IL1RAPL1: variants seen among roughly 807,000 people sequenced by gnomAD.
The protein encoded by IL1RAPL1 is interleukin 1 receptor accessory protein like 1.
Under a neutral mutation model 48.4 loss-of-function variants are expected in IL1RAPL1, and 3 were observed. The observed-to-expected ratio is 0.06, with a 90% confidence interval of 0.03 to 0.16. The LOEUF is 0.16. Among genes scored for constraint, IL1RAPL1 ranks in the 10% least tolerant of loss-of-function variants. The pLI, the probability that IL1RAPL1 is intolerant of heterozygous loss-of-function variation, is 1.00. For synonymous variants in IL1RAPL1, 185 were observed against 187.7 expected (o/e 0.99, Z 0.12); for missense variants, 349 against 530.6 (o/e 0.66, Z 3.36).
intron 5 of IL1RAPL1, among the ~76,000 whole-genome samples, chrX:29,637,083 C>T (rs1291904832): frequency 9.3e-6 from 1 of 107,760 alleles, no homozygotes; most frequent in African/African-American, 3.4e-5. Context: ...TAGGAACAGT[C>T]TGTCAAAAGG....
At chrX:28,946,134 C>T (rs1405575585) in intron 2 of IL1RAPL1, among the ~76,000 whole-genome samples, 2 of 109,326 alleles carry the variant, frequency 1.8e-5, no homozygotes, top group Non-Finnish European at 3.8e-5. Context: ...ATGGTTACTA[C>T]AGAATACTAG....
intron 2 of IL1RAPL1, among the ~76,000 whole-genome samples, chrX:29,030,403 GTTC>G (rs747265828): frequency 1.2e-3 from 132 of 111,022 alleles, no homozygotes; most frequent in African/African-American, 4.1e-3. Context: ...TATTTATTTG[GTTC>G]TTCTTTTGTA....
intron 5 of IL1RAPL1, among the ~76,000 whole-genome samples, chrX:29,595,455 C>T (rs1426551585): frequency 1.8e-5 from 2 of 111,782 alleles, no homozygotes; most frequent in Non-Finnish European, 3.8e-5. Context: ...GATGGTATCA[C>T]ATTGTGGTTT....
At chrX:28,916,963 C>T (rs1338585803) in intron 2 of IL1RAPL1, among the ~76,000 whole-genome samples, 2 of 111,967 alleles carry the variant, frequency 1.8e-5, no homozygotes, top group Admixed American at 9.5e-5. Flanking sequence ...ATTCAGCAAC[C>T]ATGTTTTCAT....
chrX:29,886,350 G>C (rs763458771), intron 6 of IL1RAPL1, among the ~76,000 whole-genome samples: 2 of 112,068 alleles, frequency 1.8e-5, no homozygotes, highest in South Asian at 7.3e-4. Flanking sequence ...TTCATCTGTG[G>C]CTTATAGAAC....
chrX:29,907,599 G>A (rs1932662584), intron 6 of IL1RAPL1, among the ~76,000 whole-genome samples: 1 of 111,649 alleles, frequency 9.0e-6, no homozygotes, highest in Non-Finnish European at 1.9e-5. Context: ...TCAAAGAGTT[G>A]TACCACTGCC....
chrX:29,813,846 G>A (rs1930431933), intron 6 of IL1RAPL1, among the ~76,000 whole-genome samples: 1 of 111,477 alleles, frequency 9.0e-6, no homozygotes, highest in Non-Finnish European at 1.9e-5. Context: ...TGCAGTATTT[G>A]GTTTTCTGTT....
chrX:29,284,123 C>G (rs752815271), intron 3 of IL1RAPL1, among the ~76,000 whole-genome samples: 25 of 111,913 alleles, frequency 2.2e-4, no homozygotes, highest in Non-Finnish European at 4.1e-4. Context: ...AATGGATTCC[C>G]ATAACTCAGA....
At chrX:29,387,401 G>A (rs1338266860) in intron 3 of IL1RAPL1, among the ~76,000 whole-genome samples, 1 of 112,199 alleles carries the variant, frequency 8.9e-6, no homozygotes. Context: ...CTGATCATGA[G>A]TTTTGGTAAA....
At chrX:29,824,361 ACTAGAGT>A (rs1285204835) in intron 6 of IL1RAPL1, among the ~76,000 whole-genome samples, 3 of 111,966 alleles carry the variant, frequency 2.7e-5, no homozygotes, top group African/African-American at 9.7e-5. Flanking sequence ...GTGTTGCCTT[ACTAGAGT>A]CTGATCGGTA....
intron 2 of IL1RAPL1, among the ~76,000 whole-genome samples, chrX:29,011,967 TAA>T (rs1407462700): frequency 1.8e-5 from 2 of 112,221 alleles, no homozygotes; most frequent in Admixed American, 9.5e-5. Flanking sequence ...CTATAATCTA[TAA>T]AAGTTATTAT....
intron 5 of IL1RAPL1, among the ~76,000 whole-genome samples, chrX:29,614,963 CA>C (rs377465356): frequency 0.02 from 1,373 of 67,133 alleles, 18 homozygotes; most frequent in African/African-American, 0.052. Flanking sequence ...GACTCCGTCT[CA>C]AAAAAAAAAA....
chrX:29,661,413 G>T (rs1270042121), intron 5 of IL1RAPL1, among the ~76,000 whole-genome samples: 1 of 112,085 alleles, frequency 8.9e-6, no homozygotes, highest in Non-Finnish European at 1.9e-5. Context: ...TGAGTGGAAA[G>T]GCTTTCAGTG....
At chrX:29,605,788 A>G (rs1460175092) in intron 5 of IL1RAPL1, among the ~76,000 whole-genome samples, 5 of 112,266 alleles carry the variant, frequency 4.5e-5, no homozygotes, top group African/African-American at 9.7e-5. Flanking sequence ...TCTAAAATGT[A>G]TTAAATGTGT....
intron 5 of IL1RAPL1, among the ~76,000 whole-genome samples, chrX:29,624,342 A>G (rs977690158): frequency 6.2e-5 from 7 of 112,027 alleles, no homozygotes; most frequent in African/African-American, 2.3e-4. Flanking sequence ...ATGATACTCA[A>G]TTATGTATAA....
intron 5 of IL1RAPL1, among the ~76,000 whole-genome samples, chrX:29,415,039 G>C (rs1457194176): frequency 8.9e-6 from 1 of 111,801 alleles, no homozygotes; most frequent in Non-Finnish European, 1.9e-5. Context: ...AAAAGTAAAA[G>C]TTTTAAGAGT....
chrX:29,585,043 A>G (rs1923110714), intron 5 of IL1RAPL1, among the ~76,000 whole-genome samples: 1 of 111,920 alleles, frequency 8.9e-6, no homozygotes, highest in African/African-American at 3.3e-5. Flanking sequence ...TTTAAACTGT[A>G]TTTTATTGTG....
Position 29,866,735 on chromosome X carries a change from A to G in IL1RAPL1, c.779-50729A>G, listed in dbSNP as rs781068086. Among the ~76,000 whole-genome samples the G allele has an allele frequency of 4.5e-4, 48 of 107,771 alleles. 1 individual carries two copies. The highest frequency in any genetic ancestry group is 1.4e-3 in the Admixed American group (14 of 9,763). The allele number at this position is 107,771 out of a possible 115,157, so 93.6% of individuals were successfully genotyped here. On this transcript the variant is annotated intron_variant, in intron 6 of 10. Coordinates refer to ENST00000378993, the MANE Select transcript of IL1RAPL1 (RefSeq NM_014271.4). ...AACTAATAAAAAGCCTCATAAATCAAATGCCACTTAACAAAGGGACCAGTC... is the reference window on the plus strand; with the variant it reads ...AACTAATAAAAAGCCTCATAAATCAGATGCCACTTAACAAAGGGACCAGTC...
At chrX:29,749,662 A>C (rs1451737099) in intron 6 of IL1RAPL1, among the ~76,000 whole-genome samples, 1 of 109,930 alleles carries the variant, frequency 9.1e-6, no homozygotes, top group Non-Finnish European at 1.9e-5. Flanking sequence ...ACTTGGTTTG[A>C]AACTTTATGC....
Sources: gnomAD v4.1 joint callset for allele counts (sites outside exome capture counted in the v4.1 genomes callset) on GRCh38, gnomAD v4.1.1 for gene constraint, MANE v1.5 for transcripts, NCBI Gene and HGNC (gene_info 2026-07-23, HGNC 2026-07-21) for gene names.